Variants in CGGBP1 observed in about 807,000 individuals in gnomAD.
CGGBP1 encodes the protein CGG triplet repeat binding protein 1.
In CGGBP1, 4 loss-of-function variants were observed where a neutral mutation model predicts 11.4. The observed-to-expected ratio is 0.35, with a 90% CI of 0.17 to 0.80. CGGBP1 has a LOEUF of 0.80. CGGBP1 is among the 30% of genes least tolerant of loss of function. The probability of loss-of-function intolerance (pLI) is 0.52; values close to 1 mark genes in which losing one functional copy is unlikely to be tolerated. For synonymous variants in CGGBP1, 76 were observed against 74.1 expected, an observed-to-expected ratio of 1.03 and a Z score of -0.13; for missense variants, 135 against 202.1, an observed-to-expected ratio of 0.67 and a Z score of 2.01.
At chr3:88,084,639 C>T (rs960908747) in intron 2 of CGGBP1, among the ~76,000 whole-genome samples, 1 of 152,120 alleles carries the variant, frequency 6.6e-6, no homozygotes, top group African/African-American at 2.4e-5. Context: ...CTGGTACTGC[C>T]ATTTGGAATT....
At chr3:88,140,502 C>T (rs761241273) in intron 2 of CGGBP1, 22 of 1,613,536 alleles carry the variant, frequency 1.4e-5, no homozygotes, top group South Asian at 8.8e-5. Flanking sequence ...TGGAAACGAA[C>T]GTTCTGATGA....
exon 1 of CGGBP1, chr3:88,149,718 T>A (rs1707375103): frequency 5.7e-6 from 1 of 175,822 alleles, no homozygotes; most frequent in African/African-American, 2.4e-5. Flanking sequence ...CACCTGCACC[T>A]GCGCAGCCCT....
intron 2 of CGGBP1, among the ~76,000 whole-genome samples, chr3:88,104,560 A>G (rs1307569950): frequency 6.6e-6 from 1 of 152,244 alleles, no homozygotes; most frequent in African/African-American, 2.4e-5. Flanking sequence ...GGTTTGTAGC[A>G]TGTTTAAAAC....
At chr3:88,093,033 C>CTT (rs1024986233) in intron 2 of CGGBP1, among the ~76,000 whole-genome samples, 1 of 152,182 alleles carries the variant, frequency 6.6e-6, no homozygotes, top group Non-Finnish European at 1.5e-5. Flanking sequence ...TTCTGTCTAA[C>CTT]TTTACCTGGG....
chr3:88,056,224 C>T (rs764398440), intron 3 of CGGBP1: 11 of 374,172 alleles, frequency 2.9e-5, no homozygotes, highest in South Asian at 2.6e-4. Context: ...TTGATTTTTA[C>T]GAAATTCAAG....
At chr3:88,134,985 A>T in intron 2 of CGGBP1, 1 of 1,067,714 alleles carries the variant, frequency 9.4e-7, no homozygotes, top group South Asian at 2.4e-5. Context: ...GGCACTATAG[A>T]ATCAGGGAAA....
chr3:88,137,956 CT>C (rs1706898384), intron 2 of CGGBP1, among the ~76,000 whole-genome samples: 1 of 151,952 alleles, frequency 6.6e-6, no homozygotes. Context: ...CAAAATAAGC[CT>C]TTAGATTATT....
rs754464663 is a variant in CGGBP1, at chr3:88,055,430, A to C, written c.*43T>G. 6 of 1,465,490 alleles carry C rather than the reference A, an allele frequency of 4.1e-6. No homozygotes were observed. The highest frequency in any genetic ancestry group is 2.3e-5 in the East Asian group (1 of 43,612). The allele number at this position is 1,465,490 out of a possible 1,614,324, so 90.8% of individuals were successfully genotyped here. On this transcript the variant is annotated 3_prime_UTR_variant, in exon 4 of 4. Transcript: ENST00000482016. This position sits in a 1 kb window ranked among gnomAD's most constrained non-coding sequence, Gnocchi z 4.2. ...ACCACACAATCAACACATAACTTTA[A>C]TACTCCACATTTATCTTGATCACAA... is the stretch of plus-strand genomic sequence containing the variant.
intron 2 of CGGBP1, among the ~76,000 whole-genome samples, chr3:88,088,101 C>T (rs756841600): frequency 1.2e-3 from 180 of 152,268 alleles, no homozygotes; most frequent in Non-Finnish European, 1.4e-3. Context: ...TTTATTTCCT[C>T]TATATAAATT....
chr3:88,134,088 TAA>T (rs1307977481), intron 2 of CGGBP1, among the ~76,000 whole-genome samples: 1 of 150,682 alleles, frequency 6.6e-6, no homozygotes, highest in Non-Finnish European at 1.5e-5. Context: ...GTGAGAGTTC[TAA>T]AAGAGTGTGA....
intron 2 of CGGBP1, chr3:88,129,839 A>T (rs1706339025): frequency 1.4e-6 from 2 of 1,406,788 alleles, no homozygotes; most frequent in East Asian, 5.1e-5. Context: ...AAGTGTTTGT[A>T]AATAAAGAAA....
At chr3:88,146,583 C>T (rs1707316762) in intron 1 of CGGBP1, among the ~76,000 whole-genome samples, 1 of 152,160 alleles carries the variant, frequency 6.6e-6, no homozygotes, top group Admixed American at 6.5e-5. Flanking sequence ...GAGAGTTATA[C>T]ATCCCATTGA....
chr3:88,073,906 A>G (rs1707651292), intron 2 of CGGBP1, among the ~76,000 whole-genome samples: 1 of 152,208 alleles, frequency 6.6e-6, no homozygotes, highest in African/African-American at 2.4e-5. Flanking sequence ...TTCTCCTTTT[A>G]GTAATGTCTC....
In CGGBP1 at chr3:88,057,184, T is replaced by C. The variant is rs1706565399; in HGVS notation, c.-24+7A>G. ...CAGAAACGATGGAGTATTCCATGAATACATACTAGAGAATAGCTGGGTAAC... is the reference window on the plus strand; with the variant it reads ...CAGAAACGATGGAGTATTCCATGAACACATACTAGAGAATAGCTGGGTAAC... On this transcript the variant is annotated splice_region_variant and intron_variant, in intron 3 of 3. Transcript: ENST00000482016. The C allele has an allele frequency of 6.6e-6, 1 of 152,214 alleles. No individual in the cohort carries two copies. The highest frequency in any genetic ancestry group is 2.4e-5 in the African/African-American group (1 of 41,452). 9.4% of individuals were successfully genotyped at this position (152,214 alleles called of 1,614,324 possible).
chr3:88,114,878 C>T (rs1311285870), intron 2 of CGGBP1, among the ~76,000 whole-genome samples: 1 of 152,196 alleles, frequency 6.6e-6, no homozygotes, highest in East Asian at 1.9e-4. Context: ...TTTTGACTGA[C>T]ACTGATAATA....
At chr3:88,091,095 T>C (rs778652845) in intron 2 of CGGBP1, among the ~76,000 whole-genome samples, 7 of 152,184 alleles carry the variant, frequency 4.6e-5, no homozygotes, top group Non-Finnish European at 1.0e-4. Context: ...AGGTGTGTAG[T>C]AGACTATACC....
At chr3:88,110,362 A>T (rs1705014145) in intron 2 of CGGBP1, among the ~76,000 whole-genome samples, 1 of 152,112 alleles carries the variant, frequency 6.6e-6, no homozygotes, top group Admixed American at 6.6e-5. Context: ...CAACTCTACC[A>T]CTGTGGTATG....
At chr3:88,140,592 G>T in intron 2 of CGGBP1, 1 of 1,613,746 alleles carries the variant, frequency 6.2e-7, no homozygotes, top group Non-Finnish European at 8.5e-7. Context: ...TAGTAGTAGT[G>T]ATATAGTCAA....
intron 1 of CGGBP1, chr3:88,143,035 CAG>C (rs1412653511): frequency 6.6e-6 from 1 of 152,200 alleles, no homozygotes; most frequent in African/African-American, 2.4e-5. Context: ...TGTTTCAAAA[CAG>C]ATCTCCTAAT....
Sources: allele counts gnomAD v4.1 joint callset (sites outside exome capture counted in the v4.1 genomes callset), GRCh38; gene constraint gnomAD v4.1.1; non-coding constraint Gnocchi (gnomAD v3.1); transcripts MANE v1.5; gene names NCBI Gene and HGNC (gene_info 2026-07-23, HGNC 2026-07-21).